Variants in CACHD1 observed in about 807,000 individuals in gnomAD.
The protein encoded by CACHD1 is cache domain containing 1.
Under a neutral mutation model 138.7 loss-of-function variants are expected in CACHD1, and 71 were observed. The observed-to-expected ratio is 0.51, with a 90% confidence interval of 0.42 to 0.62. CACHD1 has a LOEUF of 0.62. CACHD1 is among the 20% of genes least tolerant of loss of function. The probability of loss-of-function intolerance (pLI) is 0.00; values close to 1 mark genes in which losing one functional copy is unlikely to be tolerated. For missense variants in CACHD1, 1,389 were observed against 1,625.3 expected, an observed-to-expected ratio of 0.85 and a Z score of 2.50; for synonymous variants, 578 against 591.5, an observed-to-expected ratio of 0.98 and a Z score of 0.33.
chr1:64,642,380 C>A (rs566691774), intron 8 of CACHD1, among the ~76,000 whole-genome samples: 12 of 152,332 alleles, frequency 7.9e-5, no homozygotes, highest in African/African-American at 2.6e-4. Context: ...CATTTTCCTG[C>A]AGAATCACCA....
chr1:64,666,954 G>A (rs192639066), intron 16 of CACHD1, among the ~76,000 whole-genome samples: 131 of 148,984 alleles, frequency 8.8e-4, no homozygotes, highest in African/African-American at 3.0e-3. Flanking sequence ...TAAGTTGTTT[G>A]TTTGGTTTTC....
chr1:64,687,615 G>C (rs184597753), intron 26 of CACHD1, among the ~76,000 whole-genome samples: 9 of 152,192 alleles, frequency 5.9e-5, no homozygotes, highest in Admixed American at 4.6e-4. Context: ...CAGGACCTGT[G>C]ACCAGCCAGG....
chr1:64,614,934 C>T (rs17387108), intron 4 of CACHD1, among the ~76,000 whole-genome samples: 10,234 of 152,098 alleles, frequency 0.067, 474 homozygotes, highest in Admixed American at 0.16. Flanking sequence ...GAAAAAATCT[C>T]CTCTGTAACT....
chr1:64,640,962 G>T (rs914942679), intron 7 of CACHD1, among the ~76,000 whole-genome samples: 5 of 151,530 alleles, frequency 3.3e-5, no homozygotes, highest in African/African-American at 1.2e-4. Context: ...ATTCTACCTC[G>T]CAGCCCTATT....
chr1:64,642,011 C>A, intron 8 of CACHD1, 42 bp downstream of exon 8: 2 of 1,467,132 alleles, frequency 1.4e-6, no homozygotes, highest in South Asian at 1.5e-5. Flanking sequence ...TCAAAGATCC[C>A]TCTAAGTGTA....
Position 64,582,255 on chromosome 1 carries a change from C to G in CACHD1, c.361C>G (p.Pro121Ala). The part of the protein sequence containing the change: ...EASYTAHLTS[P>A]LTAIQDCCTI... ...ATCCTATACGGCTCACCTAACCTCT[C>G]CCCTAACTGCAATTCAAGACTGCTG... The change falls in exon 3 of 27, where the codon CCC (proline) becomes GCC (alanine). Residue 121 changes from proline (P) to alanine (A), a missense_variant. Physicochemically the swap from Pro to Ala is conservative, Grantham distance 27. Around this residue, in one of 5 missense-constraint regions of CACHD1, gnomAD observed 1,000 missense variants for 1,114.7 expected, o/e 0.90. Transcript: ENST00000651257. The G allele has an allele frequency of 1.2e-6, 2 of 1,613,984 alleles. No individual in the cohort carries two copies. Among genetic ancestry groups the G allele is most frequent in the Non-Finnish European group, 1.7e-6 (2 of 1,179,844 alleles).
chr1:64,692,222 T>G lies in CACHD1; in HGVS notation c.*661T>G, dbSNP rs1457456899. 1 of 152,644 alleles carries G rather than the reference T, an allele frequency of 6.6e-6. No individual in the cohort carries two copies. Among genetic ancestry groups the G allele is most frequent in the Non-Finnish European group, 1.5e-5 (1 of 68,206 alleles). 9.5% of individuals were successfully genotyped at this position (152,644 alleles called of 1,614,324 possible). A position where few individuals can be genotyped will look rare whatever the true frequency, so the allele number is the denominator to read the frequency against. On this transcript the variant is annotated 3_prime_UTR_variant, in exon 27 of 27. Coordinates refer to ENST00000651257, the MANE Select transcript of CACHD1 (RefSeq NM_020925.4). ...GTGTGTAATGAAGTGGTTCTTTGATTAAGGAGCTCTATTTCTTATTTAACT... is the reference window on the plus strand; with the variant it reads ...GTGTGTAATGAAGTGGTTCTTTGATGAAGGAGCTCTATTTCTTATTTAACT...
chr1:64,634,017 G>GTTT (rs777372471), intron 6 of CACHD1, 27 bp from the exon 7 acceptor site: 3 of 1,214,830 alleles, frequency 2.5e-6, no homozygotes, highest in African/African-American at 1.5e-5. Flanking sequence ...CAAGTTTGGT[G>GTTT]GTTTTTTTTT....
chr1:64,620,556 T>C (rs1288684720), intron 4 of CACHD1, among the ~76,000 whole-genome samples: 1 of 152,196 alleles, frequency 6.6e-6, no homozygotes, highest in East Asian at 1.9e-4. Context: ...CAGTGTACTT[T>C]TCATGCCAGC....
chr1:64,643,081 T>A (rs886125282), intron 8 of CACHD1, among the ~76,000 whole-genome samples: 2 of 130,880 alleles, frequency 1.5e-5, no homozygotes, highest in Admixed American at 8.1e-5. Flanking sequence ...AGCCATGTCT[T>A]GATCAAGCAG....
At chr1:64,520,228 G>A (rs1162461415) in intron 1 of CACHD1, among the ~76,000 whole-genome samples, 1 of 152,208 alleles carries the variant, frequency 6.6e-6, no homozygotes, top group Admixed American at 6.5e-5. Flanking sequence ...TCATACAAGG[G>A]TAGAGGTATT....
chr1:64,595,093 A>G (rs752294446), intron 3 of CACHD1, among the ~76,000 whole-genome samples: 5 of 152,130 alleles, frequency 3.3e-5, no homozygotes, highest in East Asian at 3.9e-4. Flanking sequence ...TCCTCGGTGC[A>G]TGTGTGCTGG....
intron 4 of CACHD1, among the ~76,000 whole-genome samples, chr1:64,604,186 TAAGCTGTAA>T (rs1194591262): frequency 9.8e-5 from 15 of 152,328 alleles, no homozygotes; most frequent in Non-Finnish European, 1.8e-4. Flanking sequence ...CTGAAAAGAA[TAAGCTGTAA>T]GTTGCATGTT....
Position 64,632,687 on chromosome 1 carries a change from C to T in CACHD1, c.733C>T (p.Gln245Ter). 1 of 1,614,144 alleles carries T rather than the reference C, an allele frequency of 6.2e-7. No homozygotes were observed. The highest frequency in any genetic ancestry group is 8.5e-7 in the Non-Finnish European group (1 of 1,180,010). Residue 245 changes from glutamine to a stop codon, truncating the protein, a stop_gained, in exon 6 of 27, where the codon CAG (glutamine) becomes TAG (stop). Coordinates refer to ENST00000651257, the MANE Select transcript of CACHD1 (RefSeq NM_020925.4). LOFTEE classifies it high-confidence loss of function. Reference protein sequence around the residue: ...HGASVTDTQLQIAKDAAQVIL... With the variant: ...HGASVTDTQL ...GGCTTCAGTCACAGACACTCAGCTT[C>T]AGATTGCCAAGGACGCTGCTCAGGT...
At chr1:64,530,241 T>C (rs1302044294) in intron 1 of CACHD1, among the ~76,000 whole-genome samples, 1 of 152,166 alleles carries the variant, frequency 6.6e-6, no homozygotes, top group African/African-American at 2.4e-5. Context: ...GCCATTTAAC[T>C]TTTGCAAATC....
rs1646132699 is a variant in CACHD1, at chr1:64,470,170, C to T, written c.-575C>T. On this transcript the variant is annotated 5_prime_UTR_variant, in exon 1 of 27. Coordinates refer to ENST00000651257, the MANE Select transcript of CACHD1 (RefSeq NM_020925.4). This position sits in a 1 kb window ranked among gnomAD's most constrained non-coding sequence, Gnocchi z 5.2. ...GAGCCGGAGCGCAGCGTGGTGGCAC[C>T]AGACGCCTCCCTTTCCCCACCGCTT... 6.6e-6 allele frequency among the ~76,000 whole-genome samples: 1 copy of T among 152,184 alleles called. No homozygotes were observed. Among genetic ancestry groups the T allele is most frequent in the Middle Eastern group, 3.4e-3 (1 of 294 alleles).
chr1:64,652,382 C>A, intron 10 of CACHD1, 72 bp downstream of exon 10: 1 of 1,337,758 alleles, frequency 7.5e-7, no homozygotes, highest in Non-Finnish European at 1.0e-6. Context: ...AGATATTCTA[C>A]AAACAAAATA....
At chr1:64,648,670 C>T (rs192621068) in intron 9 of CACHD1, among the ~76,000 whole-genome samples, 126 of 152,096 alleles carry the variant, frequency 8.3e-4, no homozygotes, top group African/African-American at 2.9e-3. Context: ...TTGTTGTTAT[C>T]ATTGTTATTA....
chr1:64,692,921 G>A lies in CACHD1; in HGVS notation c.*1360G>A, dbSNP rs554780618. The A allele has an allele frequency of 1.6e-4, 24 of 152,490 alleles. No individual in the cohort carries two copies. Among genetic ancestry groups the A allele is most frequent in the South Asian group, 6.3e-4 (3 of 4,796 alleles). 9.4% of individuals were successfully genotyped at this position (152,490 alleles called of 1,614,324 possible). A position where few individuals can be genotyped will look rare whatever the true frequency, so the allele number is the denominator to read the frequency against. ...TCACTGAATAATGTTTTAATGATAGGGTATTATGATACAATGTAAAAAACA... is the reference window on the plus strand; with the variant it reads ...TCACTGAATAATGTTTTAATGATAGAGTATTATGATACAATGTAAAAAACA... On this transcript the variant is annotated 3_prime_UTR_variant, in exon 27 of 27. Transcript: ENST00000651257.
Sources: gnomAD v4.1 joint callset for allele counts (sites outside exome capture counted in the v4.1 genomes callset) on GRCh38, gnomAD v4.1.1 for gene constraint, gnomAD v4.1.1 regional missense constraint, Gnocchi (gnomAD v3.1) non-coding constraint, MANE v1.5 for transcripts, NCBI Gene and HGNC (gene_info 2026-07-23, HGNC 2026-07-21) for gene names.